Variants in PDLIM5 observed in about 807,000 individuals in gnomAD.
PDLIM5 encodes PDZ and LIM domain 5, also known as PDZ and LIM domain protein 5.
A neutral mutation model predicts 64.2 loss-of-function variants in PDLIM5; 34 were observed. That is an observed-to-expected ratio of 0.53 (90% confidence interval 0.40 to 0.71). PDLIM5 has a LOEUF of 0.71. PDLIM5 is among the 30% of genes least tolerant of loss of function. The pLI is 0.00. For synonymous variants in PDLIM5, 253 were observed against 269.1 expected, an observed-to-expected ratio of 0.94 and a Z score of 0.59; for missense variants, 683 against 733.6, an observed-to-expected ratio of 0.93 and a Z score of 0.80.
At chr4:94,613,369 C>T (rs1027920414) in intron 7 of PDLIM5, among the ~76,000 whole-genome samples, 1 of 152,092 alleles carries the variant, frequency 6.6e-6, no homozygotes, top group Non-Finnish European at 1.5e-5. Flanking sequence ...TTAAAATTCC[C>T]AAGTATTCTT....
intron 3 of PDLIM5, among the ~76,000 whole-genome samples, chr4:94,561,468 G>A (rs932166825): frequency 5.3e-5 from 8 of 152,220 alleles, no homozygotes; most frequent in Non-Finnish European, 1.0e-4. Flanking sequence ...AGAGGAGTCA[G>A]TAACTTCGAT....
chr4:94,629,320 C>T (rs541593761), intron 8 of PDLIM5, among the ~76,000 whole-genome samples: 80 of 150,660 alleles, frequency 5.3e-4, no homozygotes, highest in Non-Finnish European at 9.6e-4. Context: ...CTGCACTGTG[C>T]GAGACTCAGT....
In PDLIM5 at chr4:94,573,365, C is replaced by A; in HGVS notation, c.263C>A (p.Pro88His). The change falls in exon 4 of 13, where the codon CCC (proline) becomes CAC (histidine). Residue 88 changes from proline to histidine, a missense_variant. Transcript: ENST00000317968. ...TTTTTCCTCAGAGCATCTGCTGCAC[C>A]CAAGCCTGAGCCGGTTCCTGTTCAA... ...NMTLQRASAA[P>H]KPEPVPVQKG... 1 of 1,612,444 alleles carries A rather than the reference C, an allele frequency of 6.2e-7. No individual in the cohort carries two copies. The highest frequency in any genetic ancestry group is 8.5e-7 in the Non-Finnish European group (1 of 1,179,170).
chr4:94,627,420 C>G (rs1455572964), intron 8 of PDLIM5, among the ~76,000 whole-genome samples: 1 of 152,172 alleles, frequency 6.6e-6, no homozygotes, highest in Non-Finnish European at 1.5e-5. Flanking sequence ...CCATTTTCTT[C>G]TCTTTCTGAG....
rs757897470 is a variant in PDLIM5 at position 94,663,986 on chromosome 4, T to G, written c.1710T>G (p.Cys570Trp). 10 of 1,601,022 alleles carry G rather than the reference T, an allele frequency of 6.2e-6. No homozygotes were observed. In the South Asian group the frequency reaches 1.1e-4, roughly 18 times the overall value. ...TGCTGCTTCTTTTTCAGGTGTGTTG[T>G]GAAAGTTTGGAAGGTCAGACCTTTT... ...HDTCFVCSVC[C>W]ESLEGQTFFS... Residue 570 changes from cysteine (C) to tryptophan (W), a missense_variant, in exon 13 of 13, where the codon TGT becomes TGG. Cys to Trp is a radical substitution (Grantham distance 215, BLOSUM62 -2). Coordinates refer to ENST00000317968, the MANE Select transcript of PDLIM5 (RefSeq NM_006457.5).
chr4:94,660,970 A>G (rs1196904543), intron 11 of PDLIM5, among the ~76,000 whole-genome samples: 2 of 152,080 alleles, frequency 1.3e-5, no homozygotes, highest in African/African-American at 2.4e-5. Flanking sequence ...TGTAATCCCA[A>G]CTGCTCGGGA....
At chr4:94,548,908 T>C (rs1200823649) in intron 3 of PDLIM5, among the ~76,000 whole-genome samples, 1 of 152,110 alleles carries the variant, frequency 6.6e-6, no homozygotes, top group African/African-American at 2.4e-5. Flanking sequence ...ACAAGTGTTT[T>C]GCCTAACCCT....
intron 3 of PDLIM5, among the ~76,000 whole-genome samples, chr4:94,546,320 A>T (rs980636840): frequency 4.6e-5 from 7 of 151,846 alleles, no homozygotes; most frequent in African/African-American, 1.7e-4. Context: ...ACCTTACCCC[A>T]CCCGGCCCCA....
chr4:94,483,343 T>C (rs72876213), intron 2 of PDLIM5, among the ~76,000 whole-genome samples: 2,325 of 152,268 alleles, frequency 0.015, 57 homozygotes, highest in African/African-American at 0.053. Context: ...AATAATATAA[T>C]AAACCCAATG....
chr4:94,583,331 A>G (rs1022883240), intron 5 of PDLIM5, among the ~76,000 whole-genome samples: 1 of 152,244 alleles, frequency 6.6e-6, no homozygotes, highest in African/African-American at 2.4e-5. Flanking sequence ...GTGTCATTCT[A>G]TTATTCGTGA....
intron 7 of PDLIM5, among the ~76,000 whole-genome samples, chr4:94,605,132 A>C (rs1241626665): frequency 6.6e-6 from 1 of 152,174 alleles, no homozygotes; most frequent in Non-Finnish European, 1.5e-5. Flanking sequence ...AGAGAAGGAG[A>C]GATGGATTAA....
chr4:94,460,923 AT>A (rs896779801), intron 2 of PDLIM5, among the ~76,000 whole-genome samples: 2 of 152,102 alleles, frequency 1.3e-5, no homozygotes, highest in African/African-American at 4.8e-5. Flanking sequence ...TGAGCTTTCA[AT>A]TTTTTTTAGA....
At chr4:94,469,376 C>T (rs1724647252) in intron 2 of PDLIM5, among the ~76,000 whole-genome samples, 1 of 152,146 alleles carries the variant, frequency 6.6e-6, no homozygotes, top group Non-Finnish European at 1.5e-5. Context: ...TCTGAGGAGG[C>T]AGCATTGACC....
At chr4:94,532,866 C>T (rs1387033605) in intron 3 of PDLIM5, among the ~76,000 whole-genome samples, 5 of 151,984 alleles carry the variant, frequency 3.3e-5, no homozygotes, top group African/African-American at 9.7e-5. Context: ...TAGTAGGATG[C>T]GGTGGTACGC....
intron 9 of PDLIM5, among the ~76,000 whole-genome samples, chr4:94,644,421 A>G (rs980379300): frequency 6.6e-6 from 1 of 152,218 alleles, no homozygotes; most frequent in Non-Finnish European, 1.5e-5. Flanking sequence ...ACTCAAAAGT[A>G]TGATTCCAAT....
Position 94,606,550 on chromosome 4 carries a change from CAA to C in PDLIM5, c.921-11452_921-11451del, listed in dbSNP as rs201288113. 5.1e-4 allele frequency among the ~76,000 whole-genome samples: 77 copies of C among 152,228 alleles called. No individual in the cohort carries two copies. In the East Asian group the frequency reaches 0.014, roughly 28 times the overall value. ...GAAGGCCCAGTGGACTGGAGCAAGC[CAA>C]AGAGAGTGGACAAGCTTCATGACAT... On this transcript the variant is annotated intron_variant, in intron 7 of 12. Transcript: ENST00000317968.
At chr4:94,627,104 TA>T (rs1739759340) in intron 8 of PDLIM5, among the ~76,000 whole-genome samples, 1 of 152,222 alleles carries the variant, frequency 6.6e-6, no homozygotes, top group African/African-American at 2.4e-5. Context: ...TCATCTCTTC[TA>T]ATAATGTTTT....
Position 94,455,323 on chromosome 4 carries a change from C to A in PDLIM5, c.35C>A (p.Ala12Asp), listed in dbSNP as rs770159132. Residue 12 changes from alanine (A) to aspartate (D), a missense_variant, in exon 2 of 13, where the codon GCT becomes GAT. Physicochemically the swap from Ala to Asp is moderately radical, Grantham distance 126. Coordinates refer to ENST00000317968, the MANE Select transcript of PDLIM5 (RefSeq NM_006457.5). Reference sequence around the variant, plus strand: ...TACAGTGTGTCACTGGTTGGCCCAGCTCCTTGGGGTTTCCGGCTGCAGGGC... The same window carrying A: ...TACAGTGTGTCACTGGTTGGCCCAGATCCTTGGGGTTTCCGGCTGCAGGGC... The part of the protein sequence containing the change: ...SNYSVSLVGP[A>D]PWGFRLQGGK... 1.2e-6 allele frequency: 2 copies of A among 1,613,508 alleles called. No homozygotes were observed. The highest frequency in any genetic ancestry group is 1.7e-6 in the Non-Finnish European group (2 of 1,179,396).
At chr4:94,467,001 A>G (rs1255167913) in intron 2 of PDLIM5, among the ~76,000 whole-genome samples, 2 of 152,242 alleles carry the variant, frequency 1.3e-5, no homozygotes, top group African/African-American at 4.8e-5. Flanking sequence ...TAAAACAAAC[A>G]AGTTACAGTC....
Sources: gnomAD v4.1 joint callset for allele counts (sites outside exome capture counted in the v4.1 genomes callset) on GRCh38, gnomAD v4.1.1 for gene constraint, MANE v1.5 for transcripts, NCBI Gene and HGNC (gene_info 2026-07-23, HGNC 2026-07-21) for gene names.